The following ENTPD6 variants were observed in gnomAD, a reference collection of about 807,000 sequenced individuals.
ENTPD6 encodes the protein CD39 antigen-like 2.
A neutral mutation model predicts 61.5 loss-of-function variants in ENTPD6; 46 were observed. The observed-to-expected ratio is 0.75, with a 90% confidence interval of 0.59 to 0.96. The LOEUF (loss-of-function observed/expected upper bound fraction) is 0.96. ENTPD6 is among the 40% of genes least tolerant of loss of function. ENTPD6 has a pLI of 0.00. For synonymous variants in ENTPD6, 252 were observed against 255.5 expected (o/e 0.99, Z 0.13); for missense variants, 612 against 629.0 (o/e 0.97, Z 0.29).
chr20:25,218,692 G>C (rs1004037019), intron 10 of ENTPD6, 78 bp downstream of exon 10: 1 of 1,416,784 alleles, frequency 7.1e-7, no homozygotes, highest in Admixed American at 2.1e-5. Context: ...AGCCCCTCGG[G>C]AGGGCACCAG....
In ENTPD6 at chr20:25,221,543, A is replaced by G. The variant is rs1006048740; in HGVS notation, c.1045+210A>G. 3 of 619,884 alleles carry G rather than the reference A, an allele frequency of 4.8e-6. No individual in the cohort carries two copies. In the African/African-American group the frequency reaches 5.5e-5, roughly 11 times the overall value. 38.4% of individuals were successfully genotyped at this position (619,884 alleles called of 1,614,324 possible). A position where few individuals can be genotyped will look rare whatever the true frequency, so the allele number is the denominator to read the frequency against. ...AGCTCCTTCCCTCTGCCTCTGTTCA[A>G]CATTCCCCTGACTGTCACCAGAAGC... On this transcript the variant is annotated intron_variant, in intron 11 of 14. Transcript: ENST00000376652.
intron 10 of ENTPD6, 121 bp from the exon 11 acceptor site, chr20:25,221,111 T>C: frequency 1.4e-6 from 1 of 702,572 alleles, no homozygotes; most frequent in South Asian, 1.9e-5. Flanking sequence ...CCAGTGGACC[T>C]GGAAGCCACT....
intron 1 of ENTPD6, among the ~76,000 whole-genome samples, chr20:25,203,459 A>G (rs1218216104): frequency 6.6e-6 from 1 of 152,082 alleles, no homozygotes; most frequent in Non-Finnish European, 1.5e-5. Context: ...CACTTTCCTC[A>G]TTCTTTTTGT....
chr20:25,196,070 C>A, intron 1 of ENTPD6: 1 of 952,996 alleles, frequency 1.0e-6, no homozygotes, highest in Non-Finnish European at 1.4e-6. Context: ...GGGGCAAGTC[C>A]AGTGTTTTGG....
intron 4 of ENTPD6, among the ~76,000 whole-genome samples, chr20:25,212,897 T>C (rs6050442): frequency 0.55 from 83,148 of 152,058 alleles, 23,778 homozygotes; most frequent in East Asian, 0.92. Context: ...AGTAGAAACG[T>C]GGTTTCACCC....
At position 25,197,652 on chromosome 20, in the gene ENTPD6, A is replaced by G. The variant is rs568445849; in HGVS notation, c.-16+1785A>G. On this transcript the variant is annotated intron_variant, in intron 1 of 14. Transcript: ENST00000376652. ...TGCTGTTTAGATCTGGGACACAGGT[A>G]CATGGAGATGACCTGTTCCTTGGGG... Among the ~76,000 whole-genome samples the G allele has an allele frequency of 3.9e-5, 6 of 152,326 alleles. No homozygotes were observed. The East Asian group carries it at 1.2e-3, about 29-fold the overall frequency.
intron 4 of ENTPD6, among the ~76,000 whole-genome samples, chr20:25,211,157 G>T (rs1235492000): frequency 6.6e-6 from 1 of 152,174 alleles, no homozygotes; most frequent in East Asian, 1.9e-4. Context: ...TTTGGTTCAA[G>T]CATTTCTTAA....
At chr20:25,196,577 T>G (rs1568592187) in intron 1 of ENTPD6, among the ~76,000 whole-genome samples, 1 of 152,166 alleles carries the variant, frequency 6.6e-6, no homozygotes, top group Non-Finnish European at 1.5e-5. Flanking sequence ...GGGAAGTGCC[T>G]GGGCAGCTCT....
At chr20:25,207,712 T>C (rs2091629325) in intron 3 of ENTPD6, among the ~76,000 whole-genome samples, 1 of 152,104 alleles carries the variant, frequency 6.6e-6, no homozygotes, top group Admixed American at 6.5e-5. Context: ...TGGGGCTTTG[T>C]GGGGAGTTCA....
chr20:25,213,031 T>C (rs1380442586), intron 4 of ENTPD6, among the ~76,000 whole-genome samples: 3 of 152,126 alleles, frequency 2.0e-5, no homozygotes, highest in Non-Finnish European at 1.5e-5. Context: ...TAGTCGGGCA[T>C]GGTGGCTCAC....
chr20:25,201,052 ACTT>A (rs1443464638), intron 1 of ENTPD6, among the ~76,000 whole-genome samples: 9 of 152,118 alleles, frequency 5.9e-5, no homozygotes, highest in Admixed American at 6.5e-5. Flanking sequence ...TTTCATTATG[ACTT>A]CTTCTTTGAC....
chr20:25,222,901 G>T lies in ENTPD6; in HGVS notation c.1109G>T (p.Arg370Met). 6.2e-7 allele frequency: 1 copy of T among 1,614,184 alleles called. No individual in the cohort carries two copies. The highest frequency in any genetic ancestry group is 1.3e-5 in the African/African-American group (1 of 75,058). The change falls in exon 12 of 15, where the codon AGG becomes ATG. Residue 370 changes from arginine to methionine, a missense_variant. Coordinates refer to ENST00000376652, the MANE Select transcript of ENTPD6 (RefSeq NM_001247.5). ...GAGGTCCTTCAAAACAGAGTGCACAGGACGGAGGAAGTGAAGCATGTGGAC... is the reference window on the plus strand; with the variant it reads ...GAGGTCCTTCAAAACAGAGTGCACATGACGGAGGAAGTGAAGCATGTGGAC... ...VSEVLQNRVH[R>M]TEEVKHVDFY...
intron 11 of ENTPD6, chr20:25,221,563 A>G: frequency 1.7e-6 from 1 of 572,332 alleles, no homozygotes; most frequent in Non-Finnish European, 3.2e-6. Flanking sequence ...GACTGTCACC[A>G]GAAGCTTCCT....
At chr20:25,218,474 C>A in intron 9 of ENTPD6, 76 bp from the exon 10 acceptor site, 1 of 1,392,668 alleles carries the variant, frequency 7.2e-7, no homozygotes, top group Non-Finnish European at 9.9e-7. Context: ...CCCACTCGGG[C>A]TGGGTCTCAG....
rs533114889 is a variant in ENTPD6, at chr20:25,226,912, C to G, written c.*1315C>G. On this transcript the variant is annotated 3_prime_UTR_variant, in exon 15 of 15. Coordinates refer to ENST00000376652, the MANE Select transcript of ENTPD6 (RefSeq NM_001247.5). ...CTGGTGAAGGGTCTGGCTGGTGGCC[C>G]CGGCCCTCCCAGCGTCTGTTGAGCA... Among the ~76,000 whole-genome samples, 136 of 152,364 alleles carry G rather than the reference C, an allele frequency of 8.9e-4. No homozygotes were observed. The highest frequency in any genetic ancestry group is 3.2e-3 in the African/African-American group (132 of 41,590).
At position 25,222,952 on chromosome 20, in the gene ENTPD6, A is replaced by G; in HGVS notation, c.1160A>G (p.Asp387Gly). ...VDFYAFSYYYDLAAGVGLIDA... is the reference protein window; with the variant it reads ...VDFYAFSYYYGLAAGVGLIDA... ...TTCTATGCTTTCTCCTACTATTACGACCTTGCAGCTGGTGTGGGCCTCATA... is the reference window on the plus strand; with the variant it reads ...TTCTATGCTTTCTCCTACTATTACGGCCTTGCAGCTGGTGTGGGCCTCATA... Residue 387 changes from aspartate (D) to glycine (G), a missense_variant, in exon 12 of 15, where the codon GAC (aspartate) becomes GGC (glycine). Coordinates refer to ENST00000376652, the MANE Select transcript of ENTPD6 (RefSeq NM_001247.5). The G allele has an allele frequency of 6.4e-7, 1 of 1,553,152 alleles. No homozygotes were observed. Among genetic ancestry groups the G allele is most frequent in the Admixed American group, 1.7e-5 (1 of 57,570 alleles).
intron 4 of ENTPD6, among the ~76,000 whole-genome samples, chr20:25,211,724 A>G (rs540188852): frequency 8.8e-4 from 134 of 152,348 alleles, no homozygotes; most frequent in Non-Finnish European, 1.7e-3. Flanking sequence ...ATAATGTCCA[A>G]TCTTTCTCTC....
At chr20:25,196,265 G>T (rs914511383) in intron 1 of ENTPD6, 1 of 1,060,652 alleles carries the variant, frequency 9.4e-7, no homozygotes, top group Admixed American at 5.4e-5. Flanking sequence ...GTAGGATCAG[G>T]CCGCTCGGAC....
chr20:25,202,073 G>A (rs1417719820), intron 1 of ENTPD6, among the ~76,000 whole-genome samples: 1 of 152,134 alleles, frequency 6.6e-6, no homozygotes, highest in Non-Finnish European at 1.5e-5. Context: ...GTAAGCTAAT[G>A]AACAGAAAAT....
Sources: allele counts gnomAD v4.1 joint callset (sites outside exome capture counted in the v4.1 genomes callset), GRCh38; gene constraint gnomAD v4.1.1; transcripts MANE v1.5; gene names NCBI Gene and HGNC (gene_info 2026-07-23, HGNC 2026-07-21).